PCDH19: variants seen among roughly 807,000 people sequenced by gnomAD.
The protein encoded by PCDH19 is protocadherin 19, also known as protocadherin-19.
In PCDH19, 6 loss-of-function variants were observed where a neutral mutation model predicts 46.2. The ratio of observed to expected loss-of-function variants is 0.13; its 90% CI spans 0.07 to 0.26. The LOEUF (loss-of-function observed/expected upper bound fraction) is 0.26, where lower values mean the gene tolerates loss of function less well. Among genes scored for constraint, PCDH19 ranks in the 10% least tolerant of loss-of-function variants. The pLI is 1.00. For synonymous variants in PCDH19, 481 were observed against 415.7 expected (o/e 1.16, Z -1.91); for missense variants, 740 against 972.3 (o/e 0.76, Z 3.18).
At chrX:100,396,997 G>A (rs752237400) in intron 3 of PCDH19, among the ~76,000 whole-genome samples, 7 of 111,899 alleles carry the variant, frequency 6.3e-5, no homozygotes, top group Admixed American at 1.9e-4. Flanking sequence ...CAAACAAGAC[G>A]CGCACTAAAG....
intron 1 of PCDH19, among the ~76,000 whole-genome samples, chrX:100,405,836 C>T (rs1296174935): frequency 8.9e-6 from 1 of 112,211 alleles, no homozygotes; most frequent in Non-Finnish European, 1.9e-5. Flanking sequence ...TAGAATTTCA[C>T]TTTATATAGC....
At chrX:100,319,608 C>A (rs755437221) in intron 5 of PCDH19, among the ~76,000 whole-genome samples, 91 of 111,906 alleles carry the variant, frequency 8.1e-4, no homozygotes, top group African/African-American at 2.9e-3. Context: ...GGCAAATGGA[C>A]CTCTGAAAGA....
At chrX:100,383,867 T>C (rs1414648707) in intron 3 of PCDH19, among the ~76,000 whole-genome samples, 1 of 111,756 alleles carries the variant, frequency 8.9e-6, no homozygotes, top group Non-Finnish European at 1.9e-5. Context: ...ATTGGTATAG[T>C]AGACAAACAG....
At chrX:100,331,368 G>A (rs1925864796) in intron 5 of PCDH19, among the ~76,000 whole-genome samples, 1 of 112,124 alleles carries the variant, frequency 8.9e-6, no homozygotes, top group Admixed American at 9.5e-5. Context: ...AAAAGAGTCT[G>A]TTTTATCTAT....
At chrX:100,355,385 T>C (rs1262626259) in intron 3 of PCDH19, among the ~76,000 whole-genome samples, 5 of 111,795 alleles carry the variant, frequency 4.5e-5, no homozygotes, top group African/African-American at 1.3e-4. Context: ...CAAACTGCTG[T>C]GGTTTTTTTC....
In PCDH19 at chrX:100,387,106, T is replaced by C. The variant is rs16983444; in HGVS notation, c.2616+15418A>G. On this transcript the variant is annotated intron_variant, in intron 3 of 5. Transcript: ENST00000373034. Reference sequence around the variant, plus strand: ...ACAATATCTAAGTAGTTCTGATGTCTATCTACACAGGACCACTGAATTAAA... The same window carrying C: ...ACAATATCTAAGTAGTTCTGATGTCCATCTACACAGGACCACTGAATTAAA... Among the ~76,000 whole-genome samples, 528 of 110,997 alleles carry C rather than the reference T, an allele frequency of 4.8e-3. 7 individuals are homozygous for C. Among genetic ancestry groups the C allele is most frequent in the African/African-American group, 0.016 (496 of 30,528 alleles).
intron 5 of PCDH19, among the ~76,000 whole-genome samples, chrX:100,329,761 A>T (rs894453261): frequency 9.0e-6 from 1 of 110,554 alleles, no homozygotes; most frequent in Non-Finnish European, 1.9e-5. Context: ...TACAAAAAAA[A>T]ATTAGCCGGG....
chrX:100,406,570 G>C lies in PCDH19; in HGVS notation c.2028C>G (p.Asn676Lys). 1 of 1,210,339 alleles carries C rather than the reference G, an allele frequency of 8.3e-7. No homozygotes were observed. The highest frequency in any genetic ancestry group is 1.1e-6 in the Non-Finnish European group (1 of 894,442). ...LDAQESMGSV[N>K]LSLIFIIALG... ...GGGCAATAATGAAAATCAAGGACAA[G>C]TTCACAGAGCCCATTGACTCTTGGG... Residue 676 changes from asparagine (N) to lysine (K), a missense_variant, in exon 1 of 6, where the codon AAC becomes AAG. Physicochemically the swap from Asn to Lys is moderately conservative, Grantham distance 94. Around this residue, in one of 5 missense-constraint regions of PCDH19, gnomAD observed 416 missense variants for 476.8 expected, o/e 0.87. Transcript: ENST00000373034.
intron 3 of PCDH19, among the ~76,000 whole-genome samples, chrX:100,386,739 G>T (rs1927726060): frequency 9.0e-6 from 1 of 111,515 alleles, no homozygotes; most frequent in Admixed American, 9.5e-5. Flanking sequence ...GGCTGGGGTG[G>T]GAGGTCCCTC....
intron 3 of PCDH19, among the ~76,000 whole-genome samples, chrX:100,379,589 G>A (rs771057675): frequency 8.9e-6 from 1 of 111,787 alleles, no homozygotes; most frequent in South Asian, 3.8e-4. Flanking sequence ...TCTGCTGACT[G>A]TCAGACAGAA....
At position 100,408,710 on chromosome X, in the gene PCDH19, CCGGAGGCCG is replaced by C. The variant is rs1441928527; in HGVS notation, c.-122_-114del. On this transcript the variant is annotated 5_prime_UTR_variant, in exon 1 of 6. Transcript: ENST00000373034. ...CGCCTGTTGCGCGCGCCCCGTGGCC[CCGGAGGCCG>C]CGGGAGAAGTCCCGCCCAGGGCGGC... The C allele has an allele frequency of 3.7e-5, 24 of 643,893 alleles. No individual in the cohort carries two copies. In the African/African-American group the frequency reaches 5.2e-4, roughly 14 times the overall value. The allele number at this position is 643,893 out of a possible 1,213,427, so 53.1% of individuals were successfully genotyped here.
rs145950121 is a variant in PCDH19 at position 100,343,958 on chromosome X, T to C, written c.2676-1883A>G. ...CTATGCCATGGACACAATGGATACATTGTCACCCTCCACACTTAGTCAAGA... is the reference window on the plus strand; with the variant it reads ...CTATGCCATGGACACAATGGATACACTGTCACCCTCCACACTTAGTCAAGA... On this transcript the variant is annotated intron_variant, in intron 4 of 5. Coordinates refer to ENST00000373034, the MANE Select transcript of PCDH19 (RefSeq NM_001184880.2). Among the ~76,000 whole-genome samples, 140 of 111,599 alleles carry C rather than the reference T, an allele frequency of 1.3e-3. 1 individual carries two copies. Among genetic ancestry groups the C allele is most frequent in the African/African-American group, 4.3e-3 (133 of 30,728 alleles).
chrX:100,331,407 G>C (rs369722869), intron 5 of PCDH19, among the ~76,000 whole-genome samples: 3 of 112,111 alleles, frequency 2.7e-5, no homozygotes, highest in East Asian at 2.8e-4. Context: ...GTCCATCTAA[G>C]ACCTAAGCCT....
At chrX:100,336,131 T>C (rs1360098726) in intron 5 of PCDH19, among the ~76,000 whole-genome samples, 1 of 112,316 alleles carries the variant, frequency 8.9e-6, no homozygotes, top group Non-Finnish European at 1.9e-5. Context: ...AATTACTCTA[T>C]GAACATCTGG....
intron 3 of PCDH19, among the ~76,000 whole-genome samples, chrX:100,382,677 C>A (rs924053136): frequency 1.8e-5 from 2 of 111,963 alleles, no homozygotes; most frequent in African/African-American, 6.5e-5. Flanking sequence ...AGATACCCAG[C>A]ACAGAGTCAT....
intron 5 of PCDH19, among the ~76,000 whole-genome samples, chrX:100,322,867 T>A (rs796951803): frequency 1.3e-4 from 5 of 38,407 alleles, no homozygotes; most frequent in African/African-American, 2.2e-4. Flanking sequence ...ATATATATAT[T>A]TTTGCAGCTA....
At chrX:100,296,972 G>A (rs1602567506) in intron 5 of PCDH19, 97 bp from the exon 6 acceptor site, 5 of 807,487 alleles carry the variant, frequency 6.2e-6, no homozygotes, top group Non-Finnish European at 9.3e-6. Flanking sequence ...ACAGGCCCTT[G>A]TGGGAAATGG....
At chrX:100,326,566 G>A (rs1462683472) in intron 5 of PCDH19, among the ~76,000 whole-genome samples, 1 of 111,353 alleles carries the variant, frequency 9.0e-6, no homozygotes, top group African/African-American at 3.3e-5. Context: ...GGATCCTGGG[G>A]CTGGGGTATG....
chrX:100,367,932 G>C (rs1927114712), intron 3 of PCDH19, among the ~76,000 whole-genome samples: 1 of 111,054 alleles, frequency 9.0e-6, no homozygotes, highest in Admixed American at 9.6e-5. Flanking sequence ...GGAAGAGTTT[G>C]CTTCTCTCTA....
Sources: gnomAD v4.1 joint callset for allele counts (sites outside exome capture counted in the v4.1 genomes callset) on GRCh38, gnomAD v4.1.1 for gene constraint, gnomAD v4.1.1 regional missense constraint, MANE v1.5 for transcripts, NCBI Gene and HGNC (gene_info 2026-07-23, HGNC 2026-07-21) for gene names.